The following ZNF362 variants were observed in gnomAD, a reference collection of about 807,000 sequenced individuals.
ZNF362 encodes the protein zinc finger protein 362.
A neutral mutation model predicts 42.9 loss-of-function variants in ZNF362; 11 were observed. The ratio of observed to expected loss-of-function variants is 0.26; its 90% CI spans 0.16 to 0.42. ZNF362 has a LOEUF of 0.42. Among genes scored for constraint, ZNF362 ranks in the 20% least tolerant of loss-of-function variants. The pLI is 1.00. For synonymous variants in ZNF362, 255 were observed against 257.3 expected, an observed-to-expected ratio of 0.99 and a Z score of 0.09; for missense variants, 362 against 576.2, an observed-to-expected ratio of 0.63 and a Z score of 3.81.
chr1:33,248,632 A>G, the ZNF362 span, among the ~76,000 whole-genome samples: 2 of 152,160 alleles, frequency 1.3e-5, no homozygotes, highest in Admixed American at 1.3e-4. Context: ...AATTGTGCTT[A>G]CTTTCAGCCC....
chr1:33,259,680 C>T (rs1645816874), intron 1 of ZNF362, among the ~76,000 whole-genome samples: 1 of 152,354 alleles, frequency 6.6e-6, no homozygotes, highest in South Asian at 2.1e-4. Context: ...ATGTGAGATA[C>T]AAGTGTAGTC....
At chr1:33,197,361 A>G in the ZNF362 span, among the ~76,000 whole-genome samples, 4 of 152,110 alleles carry the variant, frequency 2.6e-5, no homozygotes, top group African/African-American at 9.7e-5. Flanking sequence ...CCTTTCATAT[A>G]TATACATATA....
At chr1:33,155,110 C>T in the ZNF362 span, among the ~76,000 whole-genome samples, 90 of 143,724 alleles carry the variant, frequency 6.3e-4, no homozygotes, top group African/African-American at 2.1e-3. Context: ...CTCGCTCTGT[C>T]GCCCAGGCTG....
the ZNF362 span, among the ~76,000 whole-genome samples, chr1:33,133,232 G>A: frequency 6.6e-6 from 1 of 152,244 alleles, no homozygotes; most frequent in African/African-American, 2.4e-5. Context: ...AGGCTGTGAG[G>A]CCAAAGACAG....
At chr1:33,250,755 AAAAG>A in the ZNF362 span, among the ~76,000 whole-genome samples, 1 of 151,420 alleles carries the variant, frequency 6.6e-6, no homozygotes, top group African/African-American at 2.4e-5. Context: ...TGAAGAAAAA[AAAAG>A]AAGAAAGAAG....
the ZNF362 span, among the ~76,000 whole-genome samples, chr1:33,220,512 C>T: frequency 3.9e-5 from 6 of 152,138 alleles, no homozygotes; most frequent in Admixed American, 1.3e-4. Context: ...CCAGTTCCTT[C>T]AAACCCACCC....
chr1:33,220,705 T>A, the ZNF362 span, among the ~76,000 whole-genome samples: 2 of 152,248 alleles, frequency 1.3e-5, no homozygotes, highest in South Asian at 4.1e-4. Context: ...GTGAGTTCCT[T>A]TTGCTCTCTG....
chr1:33,280,353 C>A lies in ZNF362; in HGVS notation c.579C>A (p.Gly193=). 6.2e-7 allele frequency: 1 copy of A among 1,614,022 alleles called. No individual in the cohort carries two copies. The highest frequency in any genetic ancestry group is 8.5e-7 in the Non-Finnish European group (1 of 1,179,954). ...TTGGCCCCCCCAAGTCCGAACGCGG[C>A]CGCAAAAAGATCAAGGCGGAGAACC... ...GLLGPPKSER[G]RKKIKAENPG... Residue 193 remains glycine (G), a synonymous_variant, in exon 5 of 9, where the codon GGC becomes GGA. Transcript: ENST00000539719. This position sits in a 1 kb window ranked among gnomAD's most constrained non-coding sequence, Gnocchi z 5.6.
intron 1 of ZNF362, among the ~76,000 whole-genome samples, chr1:33,258,052 G>A (rs560940974): frequency 6.6e-6 from 1 of 152,290 alleles, no homozygotes; most frequent in Non-Finnish European, 1.5e-5. Context: ...AGTGGGTCCC[G>A]TCTGAGGGAA....
At chr1:33,197,136 C>T in the ZNF362 span, among the ~76,000 whole-genome samples, 2 of 152,170 alleles carry the variant, frequency 1.3e-5, no homozygotes, top group Non-Finnish European at 2.9e-5. Flanking sequence ...AGTCCAGGTT[C>T]TTTGGTCTTT....
chr1:33,191,515 TTTTTG>T, the ZNF362 span, among the ~76,000 whole-genome samples: 8 of 145,966 alleles, frequency 5.5e-5, no homozygotes, highest in Non-Finnish European at 1.0e-4. Context: ...TTTGTTTTTG[TTTTTG>T]TTTTTTGAGA....
At chr1:33,212,221 C>G in the ZNF362 span, among the ~76,000 whole-genome samples, 1 of 152,142 alleles carries the variant, frequency 6.6e-6, no homozygotes, top group South Asian at 2.1e-4. Context: ...TGAGGCCTCC[C>G]CAGAAGCAGA....
the ZNF362 span, among the ~76,000 whole-genome samples, chr1:33,224,336 A>C: frequency 6.6e-6 from 1 of 152,242 alleles, no homozygotes; most frequent in African/African-American, 2.4e-5. Context: ...AACAGATCAG[A>C]CACAACTGAA....
At chr1:33,166,202 C>T in the ZNF362 span, 3 of 152,480 alleles carry the variant, frequency 2.0e-5, no homozygotes, top group Admixed American at 2.0e-4. Context: ...AAAACAAGCT[C>T]AGGGCTCCCA....
At chr1:33,255,939 G>A (rs1645784729), upstream of ZNF362, among the ~76,000 whole-genome samples, 1 of 151,800 alleles carries the variant, frequency 6.6e-6, no homozygotes, top group South Asian at 2.1e-4. Context: ...CAAGTCCCCA[G>A]CCTGCCATCA....
At chr1:33,174,958 TA>T in the ZNF362 span, among the ~76,000 whole-genome samples, 1 of 146,352 alleles carries the variant, frequency 6.8e-6, no homozygotes, top group Non-Finnish European at 1.5e-5. Flanking sequence ...TATATATATA[TA>T]TATATATATA....
At chr1:33,190,862 A>T in the ZNF362 span, among the ~76,000 whole-genome samples, 3 of 152,062 alleles carry the variant, frequency 2.0e-5, no homozygotes, top group Non-Finnish European at 4.4e-5. Flanking sequence ...CTTCCTATTG[A>T]CTTCCTGTCA....
At chr1:33,189,685 G>GTGTATA in the ZNF362 span, among the ~76,000 whole-genome samples, 2 of 10,962 alleles carry the variant, frequency 1.8e-4, no homozygotes, top group Non-Finnish European at 4.2e-4. Context: ...ATATATATAC[G>GTGTATA]TATATATATA....
chr1:33,281,015 G>A lies in ZNF362; in HGVS notation c.683+558G>A, dbSNP rs1645989926. ...ACTTGGGAGGCAGAGGCTGCAGTGA[G>A]CCGAGGTCGGGCCACTGCACTCCAA... On this transcript the variant is annotated intron_variant, in intron 5 of 8. Coordinates refer to ENST00000539719, the MANE Select transcript of ZNF362 (RefSeq NM_152493.3). This position sits in a 1 kb window ranked among gnomAD's most constrained non-coding sequence, Gnocchi z 4.8. Among the ~76,000 whole-genome samples, 1 of 152,162 alleles carries A rather than the reference G, an allele frequency of 6.6e-6. No individual in the cohort carries two copies. Among genetic ancestry groups the A allele is most frequent in the Non-Finnish European group, 1.5e-5 (1 of 68,024 alleles).
Sources: allele counts gnomAD v4.1 joint callset (sites outside exome capture counted in the v4.1 genomes callset), GRCh38; gene constraint gnomAD v4.1.1; non-coding constraint Gnocchi (gnomAD v3.1); transcripts MANE v1.5; gene names NCBI Gene and HGNC (gene_info 2026-07-23, HGNC 2026-07-21).